Variants in LINGO1 observed in about 807,000 individuals in gnomAD.
LINGO1 encodes the protein leucine-rich repeat and immunoglobulin-like domain-containing nogo receptor-interacting protein 1.
LINGO1 carries 11 observed loss-of-function variants against 37.3 expected under a neutral mutation model. The observed-to-expected ratio is 0.29, with a 90% CI of 0.19 to 0.49. The LOEUF (loss-of-function observed/expected upper bound fraction) is 0.49. Among genes scored for constraint, LINGO1 ranks in the 20% least tolerant of loss-of-function variants. The pLI is 0.99. For missense variants in LINGO1, 585 were observed against 878.2 expected, an observed-to-expected ratio of 0.67 and a Z score of 4.22; for synonymous variants, 387 against 403.0, an observed-to-expected ratio of 0.96 and a Z score of 0.48.
chr15:77,647,675 C>G (rs1009867414), intron 3 of LINGO1, among the ~76,000 whole-genome samples: 1 of 152,188 alleles, frequency 6.6e-6, no homozygotes, highest in African/African-American at 2.4e-5. Flanking sequence ...GAGTGCTGTT[C>G]CAGGCAGCCC....
intron 1 of LINGO1, among the ~76,000 whole-genome samples, chr15:77,755,479 G>A (rs947278589): frequency 8.5e-5 from 13 of 152,342 alleles, no homozygotes; most frequent in Middle Eastern, 3.4e-3. Context: ...GTGCTGTCAC[G>A]CTGAGCAGGC....
upstream of LINGO1, among the ~76,000 whole-genome samples, chr15:77,637,838 C>T (rs1248943276): frequency 6.6e-6 from 1 of 152,226 alleles, no homozygotes; most frequent in Non-Finnish European, 1.5e-5. This position sits in a 1 kb window ranked among gnomAD's most constrained non-coding sequence, Gnocchi z 4.6. Flanking sequence ...GCCCACAGCC[C>T]TGATTCCAGA....
chr15:77,713,210 TTGTGTGTGTGTGTGTGTGTGTGTG>T (rs57831674), intron 2 of LINGO1, among the ~76,000 whole-genome samples: 6 of 123,722 alleles, frequency 4.8e-5, no homozygotes, highest in African/African-American at 1.9e-4. Context: ...GCCCAGCTAA[TTGTGTGTGTGTGTGTGTGTGTGTG>T]TGTGTGTGTG....
chr15:77,772,281 T>C (rs1219109334), intron 1 of LINGO1, among the ~76,000 whole-genome samples: 6 of 152,196 alleles, frequency 3.9e-5, no homozygotes, highest in African/African-American at 1.4e-4. Flanking sequence ...GTATGGAGTT[T>C]GGTGTCAGGC....
At chr15:77,732,274 C>T (rs1006009601) in intron 2 of LINGO1, among the ~76,000 whole-genome samples, 1 of 152,208 alleles carries the variant, frequency 6.6e-6, no homozygotes, top group African/African-American at 2.4e-5. Context: ...AACGAGGCCT[C>T]CCTTCTGTGC....
intron 1 of LINGO1, among the ~76,000 whole-genome samples, chr15:77,810,689 C>A (rs551501575): frequency 2.6e-4 from 40 of 152,344 alleles, no homozygotes; most frequent in Non-Finnish European, 4.9e-4. Context: ...TCTCTAAGTA[C>A]GCCTTCTAGT....
chr15:77,655,814 C>G (rs2074852842), intron 3 of LINGO1, among the ~76,000 whole-genome samples: 1 of 152,206 alleles, frequency 6.6e-6, no homozygotes, highest in Non-Finnish European at 1.5e-5. Context: ...TGGGTGGACA[C>G]CGGCCTCTCC....
At chr15:77,628,596 G>A (rs548224935) in intron 1 of LINGO1, among the ~76,000 whole-genome samples, 4 of 152,308 alleles carry the variant, frequency 2.6e-5, no homozygotes, top group Admixed American at 6.5e-5. Flanking sequence ...AAGAGGCAAC[G>A]GGACGGGGTG....
chr15:77,804,333 T>C (rs1319492498), intron 1 of LINGO1, among the ~76,000 whole-genome samples: 1 of 151,032 alleles, frequency 6.6e-6, no homozygotes, highest in Non-Finnish European at 1.5e-5. Context: ...CAAGAGAGAG[T>C]GCTGAGGGGA....
intron 1 of LINGO1, among the ~76,000 whole-genome samples, chr15:77,746,371 C>T (rs2076315149): frequency 6.6e-6 from 1 of 152,168 alleles, no homozygotes; most frequent in Non-Finnish European, 1.5e-5. Flanking sequence ...TCCCTCAACG[C>T]CAATACTGAA....
At chr15:77,662,553 C>T (rs1361537412) in intron 3 of LINGO1, among the ~76,000 whole-genome samples, 1 of 152,118 alleles carries the variant, frequency 6.6e-6, no homozygotes, top group African/African-American at 2.4e-5. Context: ...TAGCAGCCCC[C>T]AGCTCAAGGC....
chr15:77,639,557 C>T (rs1414816815), intron 3 of LINGO1, among the ~76,000 whole-genome samples: 2 of 151,978 alleles, frequency 1.3e-5, no homozygotes, highest in Non-Finnish European at 2.9e-5. Flanking sequence ...TAGCGAAAAA[C>T]AGGAAATGGC....
chr15:77,698,040 T>C (rs2075718969), upstream of LINGO1, among the ~76,000 whole-genome samples: 1 of 152,026 alleles, frequency 6.6e-6, no homozygotes, highest in Non-Finnish European at 1.5e-5. Context: ...AGCCGCCACC[T>C]GGGGGAGGAT....
At chr15:77,812,792 C>A (rs1039479916) in intron 1 of LINGO1, among the ~76,000 whole-genome samples, 1 of 152,266 alleles carries the variant, frequency 6.6e-6, no homozygotes, top group African/African-American at 2.4e-5. Flanking sequence ...TTATGTATGG[C>A]TAGTGACTGG....
intron 1 of LINGO1, among the ~76,000 whole-genome samples, chr15:77,797,483 T>C (rs771880629): frequency 7.2e-5 from 11 of 152,126 alleles, no homozygotes; most frequent in Non-Finnish European, 1.3e-4. Flanking sequence ...ATTGTGGTAA[T>C]CCACCTTCAA....
At chr15:77,723,422 A>T (rs552247500) in intron 2 of LINGO1, among the ~76,000 whole-genome samples, 1 of 152,280 alleles carries the variant, frequency 6.6e-6, no homozygotes, top group African/African-American at 2.4e-5. Context: ...AAGGCGGTGG[A>T]TAATTAAAAT....
intron 1 of LINGO1, among the ~76,000 whole-genome samples, chr15:77,806,913 G>C (rs1226645212): frequency 1.3e-5 from 2 of 152,090 alleles, no homozygotes; most frequent in East Asian, 1.9e-4. Context: ...CCCTGCATGA[G>C]TGTCCTGCTT....
At chr15:77,794,590 A>ATATATTT (rs1381588807) in intron 2 of LINGO1, among the ~76,000 whole-genome samples, 3 of 93,526 alleles carry the variant, frequency 3.2e-5, no homozygotes, top group Admixed American at 1.2e-4. Context: ...ATATATATAT[A>ATATATTT]TTTTTTTTTT....
At chr15:77,817,140 AG>A (rs1013971476) in intron 1 of LINGO1, among the ~76,000 whole-genome samples, 2 of 152,168 alleles carry the variant, frequency 1.3e-5, no homozygotes, top group Non-Finnish European at 2.9e-5. Context: ...CCCCACCCCC[AG>A]TGGTAACTCC....
Sources: allele counts gnomAD v4.1 joint callset (sites outside exome capture counted in the v4.1 genomes callset), GRCh38; gene constraint gnomAD v4.1.1; non-coding constraint Gnocchi (gnomAD v3.1); transcripts MANE v1.5; gene names NCBI Gene and HGNC (gene_info 2026-07-23, HGNC 2026-07-21).